The following FN1 variants were observed in gnomAD, a reference collection of about 807,000 sequenced individuals.
FN1 encodes fibronectin.
FN1 carries 106 observed loss-of-function variants against 297.3 expected under a neutral mutation model. The ratio of observed to expected loss-of-function variants is 0.36; its 90% CI spans 0.30 to 0.42. The LOEUF is 0.42. Ranked by LOEUF, FN1 falls within the 10% of genes least tolerant of loss-of-function variation. FN1 has a pLI of 1.00. For synonymous variants in FN1, 1,149 were observed against 1,152.6 expected (o/e 1.00, Z 0.06); for missense variants, 2,690 against 3,124.9 (o/e 0.86, Z 3.32).
intron 15 of FN1, among the ~76,000 whole-genome samples, chr2:215,409,079 T>G (rs1186190306): frequency 2.0e-5 from 3 of 152,172 alleles, no homozygotes; most frequent in Non-Finnish European, 2.9e-5. Context: ...GGTAGAGAGA[T>G]ATTCTTTTCC....
rs1317057956 is a variant in FN1, at chr2:215,406,311, G to A, written c.2913C>T (p.Val971=). ...CTGCAAAGACTTTGAAGTAATAGGT[G>A]ACCCCAGGGGACAGCCCGGTGACTT... ...FAEVTGLSPG[V]TYYFKVFAVS... Residue 971 remains valine (V), a synonymous_variant, in exon 19 of 46, where the codon GTC becomes GTT. Coordinates refer to ENST00000354785, the MANE Select transcript of FN1 (RefSeq NM_212482.4). 1.2e-6 allele frequency: 2 copies of A among 1,614,056 alleles called. No homozygotes were observed. Among genetic ancestry groups the A allele is most frequent in the East Asian group, 2.2e-5 (1 of 44,888 alleles).
intron 44 of FN1, chr2:215,362,339 C>T (rs2053632788): frequency 2.1e-6 from 1 of 476,528 alleles, no homozygotes. Flanking sequence ...CTATTCAAAC[C>T]TTGCCCATCT....
chr2:215,375,988 G>A (rs2057214318), intron 36 of FN1, among the ~76,000 whole-genome samples: 1 of 152,220 alleles, frequency 6.6e-6, no homozygotes, highest in Admixed American at 6.5e-5. Context: ...AGGCCCTCTT[G>A]CAGAATGGGG....
In FN1 at chr2:215,384,157, G is replaced by A; in HGVS notation, c.4757C>T (p.Thr1586Ile). The change falls in exon 30 of 46, where the codon ACT becomes ATT. Residue 1586 changes from threonine (T) to isoleucine (I), a missense_variant. Physicochemically the swap from Thr to Ile is moderately conservative, Grantham distance 89 (BLOSUM62 -1). Coordinates refer to ENST00000354785, the MANE Select transcript of FN1 (RefSeq NM_212482.4). ...AGCTGTAGACTTGCTCCCAGGCACA[G>A]TGAACTCCTGGACAGGGCTATTTCC... ...TGGNSPVQEF[T>I]VPGSKSTATI... The A allele has an allele frequency of 6.2e-7, 1 of 1,614,168 alleles. No homozygotes were observed. Among genetic ancestry groups the A allele is most frequent in the Non-Finnish European group, 8.5e-7 (1 of 1,180,018 alleles).
At chr2:215,428,839 C>T (rs530413953) in intron 5 of FN1, among the ~76,000 whole-genome samples, 1 of 152,094 alleles carries the variant, frequency 6.6e-6, no homozygotes, top group East Asian at 1.9e-4. Flanking sequence ...GTGAAACCCC[C>T]GTCTCTACTA....
rs751429070 is a variant in FN1, at chr2:215,433,448, G to A, written c.291C>T (p.Cys97=). The A allele has an allele frequency of 6.2e-7, 1 of 1,614,110 alleles. No homozygotes were observed. The highest frequency in any genetic ancestry group is 8.5e-7 in the Non-Finnish European group (1 of 1,180,012). ...AAGTGTTCCCAGTGTACTTGTCAAA[G>A]CAAGTCTCTTCAGCTGAGGGGAAAA... is the stretch of plus-strand genomic sequence containing the variant. The part of the protein sequence containing the change: ...CESKPEAEET[C]FDKYTGNTYR... Residue 97 remains cysteine (C), a synonymous_variant, in exon 3 of 46, where the codon TGC becomes TGT. Coordinates refer to ENST00000354785, the MANE Select transcript of FN1 (RefSeq NM_212482.4).
intron 43 of FN1, among the ~76,000 whole-genome samples, chr2:215,365,262 T>C (rs2054297512): frequency 6.6e-6 from 1 of 152,204 alleles, no homozygotes; most frequent in Non-Finnish European, 1.5e-5. Flanking sequence ...TGTAGCATTT[T>C]ACTGCAGATA....
intron 4 of FN1, among the ~76,000 whole-genome samples, chr2:215,431,579 A>C (rs1295329737): frequency 6.6e-6 from 1 of 152,354 alleles, no homozygotes; most frequent in East Asian, 1.9e-4. Context: ...AAATGACTCC[A>C]TTCTAAATCT....
At position 215,407,334 on chromosome 2, in the gene FN1, G is replaced by C; in HGVS notation, c.2519-13C>G. 1.2e-6 allele frequency: 2 copies of C among 1,610,390 alleles called. No individual in the cohort carries two copies. Among genetic ancestry groups the C allele is most frequent in the Non-Finnish European group, 1.7e-6 (2 of 1,176,642 alleles). The stretch of plus-strand genomic sequence containing the variant: ...ACTATTCTGTACCCTGCAGATTCAT[G>C]AGCAAAAGTAAGATGCACTGTTTTC... On this transcript the variant is annotated splice_polypyrimidine_tract_variant and intron_variant, in intron 17 of 45. Coordinates refer to ENST00000354785, the MANE Select transcript of FN1 (RefSeq NM_212482.4).
intron 23 of FN1, among the ~76,000 whole-genome samples, 165 bp downstream of exon 23, chr2:215,396,972 C>G (rs1345777138): frequency 6.6e-6 from 1 of 152,178 alleles, no homozygotes; most frequent in Non-Finnish European, 1.5e-5. Flanking sequence ...TTAAAGCATC[C>G]TGCAGGCTGC....
chr2:215,395,955 C>G (rs1394930175), intron 23 of FN1, among the ~76,000 whole-genome samples: 1 of 152,186 alleles, frequency 6.6e-6, no homozygotes, highest in East Asian at 1.9e-4. Flanking sequence ...AATTGTATAG[C>G]TTTGGCTTAA....
chr2:215,431,265 G>A (rs560248196), intron 4 of FN1, among the ~76,000 whole-genome samples: 4 of 152,178 alleles, frequency 2.6e-5, no homozygotes, highest in Non-Finnish European at 5.9e-5. Flanking sequence ...TTTAAATATT[G>A]GAAAGCAAAA....
In FN1 at chr2:215,431,815, G is replaced by C. The variant is rs1035465422; in HGVS notation, c.547+18C>G. On this transcript the variant is annotated intron_variant, in intron 4 of 45. Coordinates refer to ENST00000354785, the MANE Select transcript of FN1 (RefSeq NM_212482.4). Reference sequence around the variant, plus strand: ...AACTAAGCATCCCAGCTCTTGCTCAGCCCTAAGACTCACACACCTATGGGC... The same window carrying C: ...AACTAAGCATCCCAGCTCTTGCTCACCCCTAAGACTCACACACCTATGGGC... The C allele has an allele frequency of 8.7e-6, 14 of 1,613,744 alleles. No individual in the cohort carries two copies. Among genetic ancestry groups the C allele is most frequent in the Non-Finnish European group, 1.1e-5 (13 of 1,179,790 alleles).
chr2:215,390,528 GGA>G (rs1271119388), intron 26 of FN1, among the ~76,000 whole-genome samples: 7 of 152,096 alleles, frequency 4.6e-5, no homozygotes, highest in African/African-American at 1.7e-4. Flanking sequence ...TTGCTAGGAG[GGA>G]GAGGGGCTAC....
At position 215,434,766 on chromosome 2, in the gene FN1, G is replaced by A. The variant is rs1384231897; in HGVS notation, c.207C>T (p.Tyr69=). ...AAGTACAAACCAACGCATTGCCTAG[G>A]TAGGTCCGCTCCCACTGTTGATTTA... ...YQINQQWERT[Y]LGNALVCTCY... is the part of the protein sequence containing the mutation. The change falls in exon 2 of 46, where the codon TAC becomes TAT. Residue 69 remains tyrosine (Y), a synonymous_variant. Coordinates refer to ENST00000354785, the MANE Select transcript of FN1 (RefSeq NM_212482.4). 1 of 1,614,096 alleles carries A rather than the reference G, an allele frequency of 6.2e-7. No individual in the cohort carries two copies. Among genetic ancestry groups the A allele is most frequent in the South Asian group, 1.1e-5 (1 of 91,078 alleles).
chr2:215,392,514 T>G, intron 25 of FN1: 1 of 248,090 alleles, frequency 4.0e-6, no homozygotes, highest in Non-Finnish European at 8.0e-6. Flanking sequence ...AGGAGCATGG[T>G]AGAGTTTATC....
At chr2:215,385,418 C>T (rs1229056283) in intron 28 of FN1, among the ~76,000 whole-genome samples, 10 of 151,732 alleles carry the variant, frequency 6.6e-5, no homozygotes, top group East Asian at 2.0e-4. Context: ...AAAAATTAGC[C>T]GGGCGTGGTG....
At chr2:215,371,076 T>C (rs1025084159) in intron 40 of FN1, among the ~76,000 whole-genome samples, 1 of 152,036 alleles carries the variant, frequency 6.6e-6, no homozygotes, top group Non-Finnish European at 1.5e-5. Context: ...GAGACCATCC[T>C]GGCCAACATC....
chr2:215,364,668 TCTA>T, intron 44 of FN1: 1 of 599,466 alleles, frequency 1.7e-6, no homozygotes, highest in Non-Finnish European at 3.0e-6. Flanking sequence ...ATTCATTCTT[TCTA>T]CTAAGAGTAA....
Sources: allele counts gnomAD v4.1 joint callset (sites outside exome capture counted in the v4.1 genomes callset), GRCh38; gene constraint gnomAD v4.1.1; transcripts MANE v1.5; gene names NCBI Gene and HGNC (gene_info 2026-07-23, HGNC 2026-07-21).